CTNNA2: variants seen among roughly 807,000 people sequenced by gnomAD.
The protein encoded by CTNNA2 is catenin alpha-2.
Under a neutral mutation model 101.0 loss-of-function variants are expected in CTNNA2, and 42 were observed. The observed-to-expected ratio is 0.42, with a 90% CI of 0.32 to 0.54. The LOEUF (loss-of-function observed/expected upper bound fraction) is 0.54, where lower values mean the gene tolerates loss of function less well. Ranked by LOEUF, CTNNA2 falls within the 20% of genes least tolerant of loss-of-function variation. The probability of loss-of-function intolerance (pLI) is 0.14; values close to 1 mark genes in which losing one functional copy is unlikely to be tolerated. For missense variants in CTNNA2, 871 were observed against 1,223.1 expected (o/e 0.71, Z 4.29); for synonymous variants, 450 against 456.4 (o/e 0.99, Z 0.18).
At chr2:79,790,285 G>A (rs1675170106) in intron 3 of CTNNA2, among the ~76,000 whole-genome samples, 1 of 152,190 alleles carries the variant, frequency 6.6e-6, no homozygotes, top group African/African-American at 2.4e-5. Context: ...AATGGTGTCA[G>A]AGAAACCAGT....
intron 6 of CTNNA2, among the ~76,000 whole-genome samples, chr2:79,878,605 A>G (rs548348235): frequency 3.9e-5 from 6 of 152,072 alleles, no homozygotes; most frequent in Admixed American, 2.0e-4. Context: ...GCTTTTTTTC[A>G]TGTTTGTTGG....
intron 7 of CTNNA2, among the ~76,000 whole-genome samples, chr2:80,362,013 C>T (rs1674457662): frequency 6.6e-6 from 1 of 152,162 alleles, no homozygotes; most frequent in South Asian, 2.1e-4. Context: ...ACACACAGTT[C>T]AACCTGAATT....
intron 7 of CTNNA2, among the ~76,000 whole-genome samples, chr2:80,365,583 A>AAAAC (rs1553504843): frequency 4.7e-5 from 7 of 148,836 alleles, no homozygotes; most frequent in African/African-American, 1.5e-4. Context: ...AAAAAAAAAA[A>AAAAC]AACAACAACA....
chr2:80,612,636 G>A (rs1698558270), intron 17 of CTNNA2, among the ~76,000 whole-genome samples: 1 of 151,506 alleles, frequency 6.6e-6, no homozygotes, highest in African/African-American at 2.4e-5. Context: ...GAAGAGCGTT[G>A]TGTTCCTTTT....
chr2:79,931,426 T>G (rs1325793839), intron 7 of CTNNA2, among the ~76,000 whole-genome samples: 1 of 152,160 alleles, frequency 6.6e-6, no homozygotes, highest in African/African-American at 2.4e-5. Flanking sequence ...CTTCTGTGAC[T>G]TTTTTAGATT....
At chr2:80,133,469 G>A (rs1702522692) in intron 7 of CTNNA2, among the ~76,000 whole-genome samples, 1 of 152,072 alleles carries the variant, frequency 6.6e-6, no homozygotes, top group Non-Finnish European at 1.5e-5. Context: ...AATAGGTGAG[G>A]TGTTACAACC....
At chr2:79,462,435 G>A (rs1290127306) in intron 4 of CTNNA2, among the ~76,000 whole-genome samples, 1 of 152,186 alleles carries the variant, frequency 6.6e-6, no homozygotes, top group Non-Finnish European at 1.5e-5. Flanking sequence ...GGTCCACATG[G>A]TTAGTCCTTT....
At chr2:80,451,049 G>C (rs1683463581) in intron 9 of CTNNA2, among the ~76,000 whole-genome samples, 1 of 151,780 alleles carries the variant, frequency 6.6e-6, no homozygotes, top group African/African-American at 2.4e-5. Context: ...ACCTTTCTCT[G>C]AAAATATCTG....
chr2:79,310,282 C>G (rs1350320356), intron 2 of CTNNA2, among the ~76,000 whole-genome samples: 1 of 152,160 alleles, frequency 6.6e-6, no homozygotes, highest in Non-Finnish European at 1.5e-5. Context: ...ATATTCCTAA[C>G]TTCGACAAAA....
intron 12 of CTNNA2, among the ~76,000 whole-genome samples, chr2:80,561,205 G>A (rs978444708): frequency 1.3e-5 from 2 of 152,116 alleles, no homozygotes; most frequent in Admixed American, 1.3e-4. Context: ...TTATTGGGAA[G>A]ACAAACTATT....
intron 4 of CTNNA2, among the ~76,000 whole-genome samples, chr2:79,494,910 A>C (rs998338851): frequency 6.6e-6 from 1 of 152,048 alleles, no homozygotes; most frequent in African/African-American, 2.4e-5. Flanking sequence ...GGAAATCGAG[A>C]CCATCCTGGC....
intron 1 of CTNNA2, among the ~76,000 whole-genome samples, chr2:79,555,112 A>G (rs1239699962): frequency 6.6e-6 from 1 of 152,212 alleles, no homozygotes; most frequent in Non-Finnish European, 1.5e-5. Context: ...CTTAGGGCAC[A>G]TTCCTTTGTG....
chr2:79,379,135 T>A (rs1678011976), intron 4 of CTNNA2, among the ~76,000 whole-genome samples: 1 of 152,182 alleles, frequency 6.6e-6, no homozygotes, highest in Admixed American at 6.5e-5. Context: ...CCAAGAATGG[T>A]TAACCTCAGA....
At chr2:79,870,076 C>T in intron 5 of CTNNA2, 141 bp downstream of exon 5, 1 of 1,066,314 alleles carries the variant, frequency 9.4e-7, no homozygotes, top group Non-Finnish European at 1.3e-6. Context: ...AGGTTGCTTC[C>T]TGCAGGGGCC....
rs946058380 is a variant in CTNNA2 at position 80,278,666 on chromosome 2, T to A, written c.1057-114545T>A. The stretch of plus-strand genomic sequence containing the variant: ...TGTGGGGCAGCAACTCCTAAGGTCA[T>A]GGATTAAAGGAGAGAGAAAGAATGG... On this transcript the variant is annotated intron_variant, in intron 7 of 18. Transcript: ENST00000402739. Among the ~76,000 whole-genome samples the A allele has an allele frequency of 3.9e-5, 6 of 152,082 alleles. No individual in the cohort carries two copies. In the East Asian group the frequency reaches 9.7e-4, roughly 25 times the overall value.
In CTNNA2 at chr2:80,637,620, A is replaced by G. The variant is rs137980254; in HGVS notation, c.2575-9965A>G. 9.3e-4 allele frequency among the ~76,000 whole-genome samples: 141 copies of G among 152,252 alleles called. 1 individual carries two copies. Among genetic ancestry groups the G allele is most frequent in the African/African-American group, 3.2e-3 (134 of 41,562 alleles). ...CTCCTCATCCTGGACCTCGGTAGCA[A>G]CAGAGCCTTTGACTAGTTATTTCCA... On this transcript the variant is annotated intron_variant, in intron 18 of 18. Coordinates refer to ENST00000402739, the MANE Select transcript of CTNNA2 (RefSeq NM_001282597.3).
intron 7 of CTNNA2, among the ~76,000 whole-genome samples, chr2:79,972,372 A>T (rs1253310353): frequency 6.6e-6 from 1 of 152,190 alleles, no homozygotes; most frequent in Non-Finnish European, 1.5e-5. Flanking sequence ...GACAAGCAAG[A>T]GTGGTGAGTA....
chr2:79,952,249 C>G (rs924947308), intron 7 of CTNNA2, among the ~76,000 whole-genome samples: 4 of 152,126 alleles, frequency 2.6e-5, no homozygotes, highest in African/African-American at 9.7e-5. Flanking sequence ...TGTCCTGTTA[C>G]CTACTACCCA....
At chr2:80,222,011 C>T (rs958921185) in intron 7 of CTNNA2, among the ~76,000 whole-genome samples, 2 of 152,212 alleles carry the variant, frequency 1.3e-5, no homozygotes, top group African/African-American at 4.8e-5. Context: ...TCCTGGAAGG[C>T]TTTGCCATTC....
Sources: allele counts gnomAD v4.1 joint callset (sites outside exome capture counted in the v4.1 genomes callset), GRCh38; gene constraint gnomAD v4.1.1; transcripts MANE v1.5; gene names NCBI Gene and HGNC (gene_info 2026-07-23, HGNC 2026-07-21).